GRID1: variants seen among roughly 807,000 people sequenced by gnomAD.
GRID1 encodes glutamate ionotropic receptor delta type subunit 1.
Under a neutral mutation model 98.0 loss-of-function variants are expected in GRID1, and 28 were observed. The observed-to-expected ratio is 0.29, with a 90% CI of 0.21 to 0.39. The LOEUF (loss-of-function observed/expected upper bound fraction) is 0.39. GRID1 is among the 10% of genes least tolerant of loss of function. The probability of loss-of-function intolerance (pLI) is 1.00; values close to 1 mark genes in which losing one functional copy is unlikely to be tolerated. For missense variants in GRID1, 1,111 were observed against 1,340.5 expected, an observed-to-expected ratio of 0.83 and a Z score of 2.67; for synonymous variants, 553 against 538.5, an observed-to-expected ratio of 1.03 and a Z score of -0.37.
intron 3 of GRID1, among the ~76,000 whole-genome samples, chr10:86,204,768 G>A (rs188972361): frequency 7.9e-5 from 12 of 152,320 alleles, no homozygotes; most frequent in African/African-American, 2.9e-4. Context: ...CCCAGAGAAA[G>A]TGAGATGGGA....
intron 12 of GRID1, among the ~76,000 whole-genome samples, chr10:85,677,102 A>C (rs1841153496): frequency 6.6e-6 from 1 of 152,146 alleles, no homozygotes; most frequent in Admixed American, 6.5e-5. Context: ...CCTCTGATAA[A>C]CTCAAAATGG....
In GRID1 at chr10:85,620,557, C is replaced by T. The variant is rs79595477; in HGVS notation, c.2194-524G>A. Among the ~76,000 whole-genome samples the T allele has an allele frequency of 2.6e-3, 389 of 152,198 alleles. 2 individuals are homozygous for T. Among genetic ancestry groups the T allele is most frequent in the African/African-American group, 9.1e-3 (377 of 41,552 alleles). The stretch of plus-strand genomic sequence containing the variant: ...GAAAATAGCCCTGAATTCAGTGCTG[C>T]GGAGTAATGGTGACTTAATATCAAG... On this transcript the variant is annotated intron_variant, in intron 13 of 15. Coordinates refer to ENST00000327946, the MANE Select transcript of GRID1 (RefSeq NM_017551.3).
chr10:86,269,913 T>A (rs1847160103), intron 2 of GRID1, among the ~76,000 whole-genome samples: 1 of 152,202 alleles, frequency 6.6e-6, no homozygotes, highest in Non-Finnish European at 1.5e-5. Flanking sequence ...TAAGACCCCC[T>A]GTAGGGAAGG....
intron 3 of GRID1, among the ~76,000 whole-genome samples, chr10:86,151,053 T>C (rs72835292): frequency 0.024 from 3,610 of 152,306 alleles, 52 homozygotes; most frequent in Non-Finnish European, 0.036. Flanking sequence ...AATTTGCATA[T>C]ACTGTCTCAT....
At chr10:86,309,604 G>A (rs1281566605) in intron 2 of GRID1, among the ~76,000 whole-genome samples, 7 of 152,172 alleles carry the variant, frequency 4.6e-5, no homozygotes, top group South Asian at 2.1e-4. Context: ...GCAGCACCGC[G>A]TGGGAGGAAC....
At chr10:86,105,672 C>A (rs181300082) in intron 4 of GRID1, among the ~76,000 whole-genome samples, 78 of 152,330 alleles carry the variant, frequency 5.1e-4, no homozygotes, top group Non-Finnish European at 8.7e-4. Flanking sequence ...TGCCAAGCAC[C>A]AGAGCCGGCA....
At chr10:85,853,495 G>C (rs1181191888) in intron 8 of GRID1, among the ~76,000 whole-genome samples, 1 of 152,196 alleles carries the variant, frequency 6.6e-6, no homozygotes, top group African/African-American at 2.4e-5. Flanking sequence ...CTGTGCCTGA[G>C]TACATGCCAA....
At chr10:86,150,825 A>C (rs1845157202) in intron 3 of GRID1, among the ~76,000 whole-genome samples, 1 of 152,218 alleles carries the variant, frequency 6.6e-6, no homozygotes, top group South Asian at 2.1e-4. Flanking sequence ...AGGTGCGCAC[A>C]CTGAGAGAAG....
At chr10:86,162,971 AG>A (rs1845343664) in intron 3 of GRID1, among the ~76,000 whole-genome samples, 1 of 152,168 alleles carries the variant, frequency 6.6e-6, no homozygotes, top group Non-Finnish European at 1.5e-5. Flanking sequence ...AGCCAGTGTC[AG>A]GGGGTTGTTG....
chr10:85,848,202 T>G lies in GRID1; in HGVS notation c.1233+6294A>C, dbSNP rs543780701. The stretch of plus-strand genomic sequence containing the variant: ...CATGGATGTGAAAGTTATTAGGCCT[T>G]TCTATAATCAATTTGAAAATATGTA... On this transcript the variant is annotated intron_variant, in intron 8 of 15. Transcript: ENST00000327946. Among the ~76,000 whole-genome samples, 7 of 152,256 alleles carry G rather than the reference T, an allele frequency of 4.6e-5. No individual in the cohort carries two copies. The South Asian group carries it at 1.5e-3, about 32-fold the overall frequency.
intron 3 of GRID1, among the ~76,000 whole-genome samples, chr10:86,169,493 A>G (rs942761016): frequency 6.6e-6 from 1 of 152,164 alleles, no homozygotes; most frequent in South Asian, 2.1e-4. Context: ...GGGTACCCAC[A>G]TGTGCCCAGT....
chr10:85,798,399 G>T (rs1257790274), intron 8 of GRID1, among the ~76,000 whole-genome samples: 1 of 152,212 alleles, frequency 6.6e-6, no homozygotes, highest in Non-Finnish European at 1.5e-5. Context: ...TAGTGGAATT[G>T]TCGGATTATA....
intron 4 of GRID1, among the ~76,000 whole-genome samples, chr10:86,028,372 G>A (rs1490167073): frequency 6.6e-6 from 1 of 152,172 alleles, no homozygotes; most frequent in African/African-American, 2.4e-5. Context: ...TAAGGTCCCA[G>A]GCCATGGGAT....
chr10:86,256,352 C>G (rs953865898), intron 2 of GRID1, among the ~76,000 whole-genome samples: 1 of 152,214 alleles, frequency 6.6e-6, no homozygotes, highest in African/African-American at 2.4e-5. Context: ...GTAATCCCAG[C>G]ATTTCAGGAG....
intron 4 of GRID1, among the ~76,000 whole-genome samples, chr10:86,098,324 G>T (rs1343394767): frequency 6.6e-6 from 1 of 152,130 alleles, no homozygotes; most frequent in Non-Finnish European, 1.5e-5. Context: ...AATAAAATAT[G>T]TGCATTCTTG....
At chr10:85,689,704 C>G (rs2132608352) in intron 12 of GRID1, among the ~76,000 whole-genome samples, 1 of 152,128 alleles carries the variant, frequency 6.6e-6, no homozygotes, top group East Asian at 1.9e-4. Flanking sequence ...TAACAAAAAC[C>G]TGTCAAAAAA....
At chr10:85,957,080 G>A (rs935125111) in intron 4 of GRID1, among the ~76,000 whole-genome samples, 3 of 152,120 alleles carry the variant, frequency 2.0e-5, no homozygotes, top group Non-Finnish European at 4.4e-5. Context: ...CAGATCTCTT[G>A]AGAACTCACT....
chr10:85,998,724 GC>G (rs1241190712), intron 4 of GRID1, among the ~76,000 whole-genome samples: 1 of 152,090 alleles, frequency 6.6e-6, no homozygotes, highest in Non-Finnish European at 1.5e-5. Flanking sequence ...GAAAACATCA[GC>G]AAATTTGATA....
intron 8 of GRID1, among the ~76,000 whole-genome samples, chr10:85,739,781 G>A (rs12267276): frequency 0.21 from 32,407 of 152,064 alleles, 3,606 homozygotes; most frequent in Middle Eastern, 0.26. Flanking sequence ...GCTCCATGGT[G>A]TGTGGGGGGA....
Sources: gnomAD v4.1 joint callset for allele counts (sites outside exome capture counted in the v4.1 genomes callset) on GRCh38, gnomAD v4.1.1 for gene constraint, MANE v1.5 for transcripts, NCBI Gene and HGNC (gene_info 2026-07-23, HGNC 2026-07-21) for gene names.